The following POU6F2 variants were observed in gnomAD, a reference collection of about 807,000 sequenced individuals.
POU6F2 encodes POU domain, class 6, transcription factor 2.
A neutral mutation model predicts 71.3 loss-of-function variants in POU6F2; 31 were observed. The observed-to-expected ratio is 0.43, with a 90% CI of 0.33 to 0.59. The LOEUF is 0.59. POU6F2 is among the 20% of genes least tolerant of loss of function. The pLI, the probability that POU6F2 is intolerant of heterozygous loss-of-function variation, is 0.04. For synonymous variants in POU6F2, 347 were observed against 355.7 expected (o/e 0.98, Z 0.27); for missense variants, 783 against 856.8 (o/e 0.91, Z 1.07).
intron 4 of POU6F2, among the ~76,000 whole-genome samples, chr7:39,321,071 A>G (rs1785380041): frequency 6.7e-6 from 1 of 148,438 alleles, no homozygotes; most frequent in Non-Finnish European, 1.5e-5. Flanking sequence ...ATAAATAAAT[A>G]ACAATTCTTC....
At chr7:39,419,145 G>GTA (rs779903569) in intron 6 of POU6F2, among the ~76,000 whole-genome samples, 67 of 134,298 alleles carry the variant, frequency 5.0e-4, no homozygotes, top group Middle Eastern at 8.3e-3. Flanking sequence ...ATATATATAC[G>GTA]TATATATGTG....
At chr7:39,008,432 A>G (rs1397553095) in intron 1 of POU6F2, among the ~76,000 whole-genome samples, 6 of 151,864 alleles carry the variant, frequency 4.0e-5, no homozygotes, top group Admixed American at 3.9e-4. Flanking sequence ...GCCCTTTGTC[A>G]GATGAGTAGG....
intron 2 of POU6F2, among the ~76,000 whole-genome samples, chr7:39,087,159 A>AATTTATTT (rs35190834): frequency 1.5e-4 from 19 of 125,742 alleles, no homozygotes; most frequent in East Asian, 6.4e-4. Context: ...TTAATTAATT[A>AATTTATTT]ATTTATTTAT....
chr7:39,365,424 A>ATT (rs1786481073), intron 5 of POU6F2, among the ~76,000 whole-genome samples: 2 of 152,222 alleles, frequency 1.3e-5, no homozygotes, highest in Non-Finnish European at 2.9e-5. Flanking sequence ...AAGACCTAAA[A>ATT]CTACAAAAAT....
intron 1 of POU6F2, among the ~76,000 whole-genome samples, chr7:38,989,817 GTGTGTGTGTT>G (rs1319489742): frequency 2.1e-5 from 3 of 139,780 alleles, no homozygotes; most frequent in African/African-American, 7.8e-5. Flanking sequence ...GTGTGTGTGT[GTGTGTGTGTT>G]TGTGTGTGTG....
intron 4 of POU6F2, among the ~76,000 whole-genome samples, chr7:39,260,075 TACAC>T (rs1344402467): frequency 1.2e-4 from 18 of 147,902 alleles, no homozygotes; most frequent in Non-Finnish European, 2.7e-4. Context: ...ACACATACGA[TACAC>T]ACACCACACG....
chr7:39,282,163 A>G (rs1784574091), intron 4 of POU6F2, among the ~76,000 whole-genome samples: 1 of 152,054 alleles, frequency 6.6e-6, no homozygotes, highest in Non-Finnish European at 1.5e-5. Flanking sequence ...TGAGTTGTTC[A>G]AGTTGCTTAT....
chr7:39,350,423 G>T (rs113256988), intron 5 of POU6F2, among the ~76,000 whole-genome samples: 5 of 152,014 alleles, frequency 3.3e-5, no homozygotes, highest in East Asian at 1.9e-4. Flanking sequence ...GTTTTTTGGG[G>T]TTTTTTTAAT....
At chr7:39,101,926 T>G (rs1791583270) in intron 2 of POU6F2, among the ~76,000 whole-genome samples, 1 of 152,222 alleles carries the variant, frequency 6.6e-6, no homozygotes, top group Non-Finnish European at 1.5e-5. Context: ...GCTTCCTCAC[T>G]CTAAGACTTT....
At position 39,300,407 on chromosome 7, in the gene POU6F2, A is replaced by T. The variant is rs12701724; in HGVS notation, c.599-39235A>T. 5.3e-3 allele frequency among the ~76,000 whole-genome samples: 808 copies of T among 152,172 alleles called. 9 individuals are homozygous for T. Among genetic ancestry groups the T allele is most frequent in the Admixed American group, 9.5e-3 (145 of 15,278 alleles). On this transcript the variant is annotated intron_variant, in intron 4 of 9. Transcript: ENST00000518318. ...AGGTGTTTCAAAGTGCTGGGGAGGG[A>T]CTTACAACTCTCAGGCCAGTCCTCA...
At chr7:38,978,703 A>T (rs76272308) in intron 1 of POU6F2, among the ~76,000 whole-genome samples, 1,551 of 152,274 alleles carry the variant, frequency 0.01, 15 homozygotes, top group Non-Finnish European at 0.016. Flanking sequence ...AGCAGCTTTA[A>T]TAAACAGCTC....
At chr7:39,112,961 G>A (rs1013446097) in intron 2 of POU6F2, among the ~76,000 whole-genome samples, 1 of 151,614 alleles carries the variant, frequency 6.6e-6, no homozygotes, top group Non-Finnish European at 1.5e-5. Flanking sequence ...AATTTTAATT[G>A]CATTTTTACA....
Position 39,340,004 on chromosome 7 carries a change from A to G in POU6F2, c.961A>G (p.Asn321Asp). ...HGLPSPLTPP[N>D]PLQLVNNPLA... ...CCTGCCTTCACCGCTCACGCCACCC[A>G]ATCCTCTACAGGTATGCTCCCCGTG... The change falls in exon 5 of 10, where the codon AAT (asparagine) becomes GAT (aspartate). Residue 321 changes from asparagine to aspartate, a missense_variant. Asn to Asp is a conservative substitution (Grantham distance 23). This residue lies in a region of POU6F2 where 572 missense variants were observed against 572.9 expected (regional missense o/e 1.00). Coordinates refer to ENST00000518318, the MANE Select transcript of POU6F2 (RefSeq NM_001370959.1). 2 of 1,609,276 alleles carry G rather than the reference A, an allele frequency of 1.2e-6. No homozygotes were observed. The highest frequency in any genetic ancestry group is 1.7e-6 in the Non-Finnish European group (2 of 1,176,540).
At position 39,371,324 on chromosome 7, in the gene POU6F2, C is replaced by T. The variant is rs185155849; in HGVS notation, c.972+31309C>T. The stretch of plus-strand genomic sequence containing the variant: ...CTTCTTGAGTAGCTGGGACTACAGG[C>T]GCCCACCACCACACCCAGCTAATTT... On this transcript the variant is annotated intron_variant, in intron 5 of 9. Coordinates refer to ENST00000518318, the MANE Select transcript of POU6F2 (RefSeq NM_001370959.1). 2.0e-4 allele frequency among the ~76,000 whole-genome samples: 31 copies of T among 152,144 alleles called. No homozygotes were observed. The East Asian group carries it at 4.8e-3, about 24-fold the overall frequency.
intron 2 of POU6F2, among the ~76,000 whole-genome samples, chr7:39,096,562 T>C (rs553727800): frequency 6.6e-6 from 1 of 152,178 alleles, no homozygotes; most frequent in South Asian, 2.1e-4. Context: ...ACACTTAGGG[T>C]TTTTTATCAA....
intron 2 of POU6F2, among the ~76,000 whole-genome samples, chr7:39,141,520 A>G (rs1035142679): frequency 1.3e-5 from 2 of 152,224 alleles, no homozygotes; most frequent in Admixed American, 6.5e-5. Flanking sequence ...TCATTTTACT[A>G]AAGTCTATTG....
At chr7:39,088,954 C>T (rs1446231075) in intron 2 of POU6F2, among the ~76,000 whole-genome samples, 4 of 152,246 alleles carry the variant, frequency 2.6e-5, no homozygotes, top group East Asian at 3.9e-4. Flanking sequence ...ACCACTGGGC[C>T]TTTTATGCCT....
chr7:38,981,971 C>G (rs57126589), intron 1 of POU6F2, among the ~76,000 whole-genome samples: 1 of 152,032 alleles, frequency 6.6e-6, no homozygotes, highest in Non-Finnish European at 1.5e-5. Flanking sequence ...TTATACCATC[C>G]CTTGTTCCAA....
rs1562780631 is a variant in POU6F2, at chr7:39,296,562, C to T, written c.599-43080C>T. Among the ~76,000 whole-genome samples, 3 of 152,164 alleles carry T rather than the reference C, an allele frequency of 2.0e-5. 1 individual carries two copies. Among genetic ancestry groups the T allele is most frequent in the South Asian group, 4.1e-4 (2 of 4,828 alleles). On this transcript the variant is annotated intron_variant, in intron 4 of 9. Transcript: ENST00000518318. The stretch of plus-strand genomic sequence containing the variant: ...AAGCCAAAATCCCTAAACACAGCCT[C>T]AAGGCCTCCTTCCCCAGGTCTCCTG...
Sources: allele counts gnomAD v4.1 joint callset (sites outside exome capture counted in the v4.1 genomes callset), GRCh38; gene constraint gnomAD v4.1.1; regional missense constraint gnomAD v4.1.1; transcripts MANE v1.5; gene names NCBI Gene and HGNC (gene_info 2026-07-23, HGNC 2026-07-21).